KRT4: variants seen among roughly 807,000 people sequenced by gnomAD.
KRT4 encodes the protein keratin, type II cytoskeletal 4.
KRT4 carries 47 observed loss-of-function variants against 50.6 expected under a neutral mutation model. That is an observed-to-expected ratio of 0.93 (90% confidence interval 0.73 to 1.18). The LOEUF (loss-of-function observed/expected upper bound fraction) is 1.18. KRT4 is among the 50% of genes most tolerant of loss of function. The pLI is 0.00. For missense variants in KRT4, 651 were observed against 645.7 expected (o/e 1.01, Z -0.09); for synonymous variants, 254 against 251.2 (o/e 1.01, Z -0.10).
chr12:52,809,546 G>A (rs951952080), intron 3 of KRT4, 68 bp from the exon 4 acceptor site: 2 of 1,085,928 alleles, frequency 1.8e-6, no homozygotes, highest in Middle Eastern at 2.0e-4. Context: ...GTTACTAAGT[G>A]ACACCGACAG....
In KRT4 at chr12:52,813,646, C is replaced by T. The variant is rs747520287; in HGVS notation, c.413G>A (p.Arg138His). Residue 138 changes from arginine to histidine, a missense_variant, in exon 1 of 9, where the codon CGC becomes CAC. Coordinates refer to ENST00000551956, the MANE Select transcript of KRT4 (RefSeq NM_002272.4). ...GTTGTTGAGGAGCTTGATCTGTTCG[C>T]GCTCTTCCGTCCGGACTTTCTGGAT... ...PEIQKVRTEE[R>H]EQIKLLNNKF... The T allele has an allele frequency of 1.4e-5, 22 of 1,614,048 alleles. No homozygotes were observed. The highest frequency in any genetic ancestry group is 1.7e-5 in the Admixed American group (1 of 60,010).
chr12:52,809,587 T>G, intron 3 of KRT4, 109 bp from the exon 4 acceptor site: 1 of 817,540 alleles, frequency 1.2e-6, no homozygotes, highest in East Asian at 2.4e-5. Context: ...GAAAGACTAC[T>G]CAGCAGCAGG....
Position 52,808,405 on chromosome 12 carries a change from C to A in KRT4, c.1014G>T (p.Gln338His). The change falls in exon 6 of 9, where the codon CAG (glutamine) becomes CAT (histidine). Residue 338 changes from glutamine (Q) to histidine (H), a missense_variant. Gln to His is a conservative substitution (Grantham distance 24, BLOSUM62 0). Coordinates refer to ENST00000551956, the MANE Select transcript of KRT4 (RefSeq NM_002272.4). ...ALYQTKVQQL[Q>H]ISVDQHGDNL... ...TGTCACCATGTTGGTCAACCGAGAT[C>A]TGGAGCTGCTGGACCTAAGACTCAA... is the stretch of plus-strand genomic sequence containing the variant. 6.2e-7 allele frequency: 1 copy of A among 1,613,948 alleles called. No individual in the cohort carries two copies. The highest frequency in any genetic ancestry group is 8.5e-7 in the Non-Finnish European group (1 of 1,180,048).
chr12:52,813,510 G>T, intron 1 of KRT4, 87 bp downstream of exon 1: 1 of 1,184,720 alleles, frequency 8.4e-7, no homozygotes, highest in Non-Finnish European at 1.3e-6. Flanking sequence ...GGTCTCCCCA[G>T]CACCTGTGGC....
intron 3 of KRT4, 49 bp downstream of exon 3, chr12:52,810,707 A>C (rs751217084): frequency 3.0e-5 from 46 of 1,517,140 alleles, no homozygotes; most frequent in African/African-American, 5.5e-5. Flanking sequence ...ACCACTCCCC[A>C]AGGGAAGGGG....
At position 52,812,255 on chromosome 12, in the gene KRT4, G is replaced by A. The variant is rs3134665; in HGVS notation, c.463-278C>T. Among the ~76,000 whole-genome samples the A allele has an allele frequency of 0.27, 40,593 of 152,070 alleles. 6,044 individuals are homozygous for A. Among genetic ancestry groups the A allele is most frequent in the Non-Finnish European group, 0.34 (23,111 of 67,976 alleles). On this transcript the variant is annotated intron_variant, in intron 1 of 8. Transcript: ENST00000551956. ...GTGCAACAAGAACAACTTCCTAGCC[G>A]CAGGCACCCAAAGCCCCAAAGAACA...
In KRT4 at chr12:52,814,036, A is replaced by T. The variant is rs760017217; in HGVS notation, c.23T>A (p.Val8Asp). 5 of 1,613,762 alleles carry T rather than the reference A, an allele frequency of 3.1e-6. No homozygotes were observed. Among genetic ancestry groups the T allele is most frequent in the Non-Finnish European group, 4.2e-6 (5 of 1,179,842 alleles). The change falls in exon 1 of 9, where the codon GTC (valine) becomes GAC (aspartate). Residue 8 changes from valine (V) to aspartate (D), a missense_variant. By Grantham distance (152) the Val-to-Asp change is radical (BLOSUM62 -3). Transcript: ENST00000551956. ...GCTGAAGCCCCGGGGCCCGCCTCGGACACACTGCTGTCTGGCAATCATGGC... is the reference window on the plus strand; with the variant it reads ...GCTGAAGCCCCGGGGCCCGCCTCGGTCACACTGCTGTCTGGCAATCATGGC... MIARQQC[V>D]RGGPRGFSCG...
Position 52,810,846 on chromosome 12 carries a change from A to C in KRT4, c.678-30T>G, listed in dbSNP as rs1592310788. 13 of 1,575,378 alleles carry C rather than the reference A, an allele frequency of 8.3e-6. No individual in the cohort carries two copies. In the East Asian group the frequency reaches 2.9e-4, roughly 35 times the overall value. The stretch of plus-strand genomic sequence containing the variant: ...GGGTGGGCACGGGGAGAAAAAGACA[A>C]AAACCCACAGTGAGCTGGTGTTTCT... On this transcript the variant is annotated intron_variant, in intron 2 of 8. Transcript: ENST00000551956.
At position 52,807,401 on chromosome 12, in the gene KRT4, G is replaced by A; in HGVS notation, c.1347-8C>T. On this transcript the variant is annotated splice_polypyrimidine_tract_variant and splice_region_variant and intron_variant, in intron 7 of 8. Coordinates refer to ENST00000551956, the MANE Select transcript of KRT4 (RefSeq NM_002272.4). ...TGGCATTCTCCAGACATTCTGTAGG[G>A]GAAAGAAAAGGCGGTGAGCCTCAGG... 6.2e-7 allele frequency: 1 copy of A among 1,614,124 alleles called. No individual in the cohort carries two copies. Among genetic ancestry groups the A allele is most frequent in the South Asian group, 1.1e-5 (1 of 91,070 alleles).
chr12:52,808,416 G>A lies in KRT4; in HGVS notation c.1003C>T (p.Gln335Ter). ...EAEALYQTKV[Q>*]QLQISVDQHG... ...TGGTCAACCGAGATCTGGAGCTGCTGGACCTAAGACTCAAGAAGACACAGA... is the reference window on the plus strand; with the variant it reads ...TGGTCAACCGAGATCTGGAGCTGCTAGACCTAAGACTCAAGAAGACACAGA... The change falls in exon 6 of 9, where the codon CAG (glutamine) becomes TAG (stop). Residue 335 changes from glutamine (Q) to a stop codon, truncating the protein, a stop_gained. Transcript: ENST00000551956. LOFTEE classifies it high-confidence loss of function. The A allele has an allele frequency of 6.2e-7, 1 of 1,613,782 alleles. No homozygotes were observed. The highest frequency in any genetic ancestry group is 2.2e-5 in the East Asian group (1 of 44,882).
At chr12:52,809,783 A>G (rs1939877016) in intron 3 of KRT4, among the ~76,000 whole-genome samples, 2 of 152,240 alleles carry the variant, frequency 1.3e-5, no homozygotes, top group African/African-American at 4.8e-5. Context: ...AAATCATTGT[A>G]ACAAAAGGAT....
chr12:52,813,628 A>C lies in KRT4; in HGVS notation c.431T>G (p.Leu144Arg). The C allele has an allele frequency of 6.2e-7, 1 of 1,613,988 alleles. No individual in the cohort carries two copies. Among genetic ancestry groups the C allele is most frequent in the Non-Finnish European group, 8.5e-7 (1 of 1,179,996 alleles). Residue 144 changes from leucine (L) to arginine (R), a missense_variant, in exon 1 of 9, where the codon CTC becomes CGC. Coordinates refer to ENST00000551956, the MANE Select transcript of KRT4 (RefSeq NM_002272.4). ...GATGAAGGAGGCAAACTTGTTGTTGAGGAGCTTGATCTGTTCGCGCTCTTC... is the reference window on the plus strand; with the variant it reads ...GATGAAGGAGGCAAACTTGTTGTTGCGGAGCTTGATCTGTTCGCGCTCTTC... ...RTEEREQIKLLNNKFASFIDK... is the reference protein window; with the variant it reads ...RTEEREQIKLRNNKFASFIDK...
intron 4 of KRT4, 118 bp downstream of exon 4, chr12:52,809,265 A>G: frequency 1.2e-6 from 1 of 810,052 alleles, no homozygotes; most frequent in Non-Finnish European, 2.2e-6. Flanking sequence ...CTTGATGAGA[A>G]CCCACTGCCC....
rs199925655 is a variant in KRT4, at chr12:52,813,597, C to A, written c.462G>T (p.Lys154Asn). ...CTCTCCAGCCGAGGACACAGCTCAC[C>A]TTGTCGATGAAGGAGGCAAACTTGT... ...LNNKFASFID[K>N]VQFLEQQNKV... The change falls in exon 1 of 9, where the codon AAG becomes AAT. Residue 154 changes from lysine to asparagine, a missense_variant and splice_region_variant. Transcript: ENST00000551956. 4 of 1,613,844 alleles carry A rather than the reference C, an allele frequency of 2.5e-6. No homozygotes were observed. Among genetic ancestry groups the A allele is most frequent in the African/African-American group, 2.7e-5 (2 of 75,030 alleles).
At position 52,813,578 on chromosome 12, in the gene KRT4, A is replaced by G. The variant is rs752534918; in HGVS notation, c.462+19T>C. The G allele has an allele frequency of 5.8e-5, 94 of 1,609,870 alleles. No homozygotes were observed. In the East Asian group the frequency reaches 2.1e-3, roughly 36 times the overall value. On this transcript the variant is annotated intron_variant, in intron 1 of 8. Transcript: ENST00000551956. ...CCCTCTCTTCTAACTGCCCCTCTCC[A>G]GCCGAGGACACAGCTCACCTTGTCG...
chr12:52,812,107 T>C (rs1392853334), intron 1 of KRT4, 130 bp from the exon 2 acceptor site: 10 of 728,248 alleles, frequency 1.4e-5, no homozygotes, highest in South Asian at 4.5e-5. Flanking sequence ...AGGGCCACTA[T>C]GTTGCATCTC....
chr12:52,813,729 C>T lies in KRT4; in HGVS notation c.330G>A (p.Gln110=). ...GCAAGCTCTGGTTGATGGTGACCTC[C>T]TGAATTCCCCCAGCGGGGCAGACGG... is the stretch of plus-strand genomic sequence containing the variant. ...GFPVCPAGGI[Q]EVTINQSLLT... The change falls in exon 1 of 9, where the codon CAG becomes CAA. Residue 110 remains glutamine (Q), a synonymous_variant. Coordinates refer to ENST00000551956, the MANE Select transcript of KRT4 (RefSeq NM_002272.4). 1 of 1,614,088 alleles carries T rather than the reference C, an allele frequency of 6.2e-7. No homozygotes were observed. The highest frequency in any genetic ancestry group is 8.5e-7 in the Non-Finnish European group (1 of 1,179,914).
At position 52,811,432 on chromosome 12, in the gene KRT4, G is replaced by A. The variant is rs1276515066; in HGVS notation, c.677+331C>T. 1.2e-5 allele frequency: 4 copies of A among 336,250 alleles called. No individual in the cohort carries two copies. In the East Asian group the frequency reaches 2.9e-4, roughly 25 times the overall value. The allele number at this position is 336,250 out of a possible 1,614,324, so 20.8% of individuals were successfully genotyped here. Reference sequence around the variant, plus strand: ...CAAGGTCACACAGCTAGTAAGTGAGGACTCAGTATGCAAACCACCTCCATC... The same window carrying A: ...CAAGGTCACACAGCTAGTAAGTGAGAACTCAGTATGCAAACCACCTCCATC... On this transcript the variant is annotated intron_variant, in intron 2 of 8. Transcript: ENST00000551956.
Position 52,806,771 on chromosome 12 carries a change from G to A in KRT4, c.*298C>T. On this transcript the variant is annotated 3_prime_UTR_variant, in exon 9 of 9. Coordinates refer to ENST00000551956, the MANE Select transcript of KRT4 (RefSeq NM_002272.4). ...CATATGTGACCCCAATAATTCTGGAGATGACACTCCTGGTCATTTTCTTCT... is the reference window on the plus strand; with the variant it reads ...CATATGTGACCCCAATAATTCTGGAAATGACACTCCTGGTCATTTTCTTCT... The A allele has an allele frequency of 2.1e-6, 1 of 478,302 alleles. No homozygotes were observed. Among genetic ancestry groups the A allele is most frequent in the Non-Finnish European group, 3.8e-6 (1 of 259,974 alleles). The allele number at this position is 478,302 out of a possible 1,614,324, so 29.6% of individuals were successfully genotyped here. A position where few individuals can be genotyped will look rare whatever the true frequency, so the allele number is the denominator to read the frequency against.
Sources: gnomAD v4.1 joint callset for allele counts (sites outside exome capture counted in the v4.1 genomes callset) on GRCh38, gnomAD v4.1.1 for gene constraint, MANE v1.5 for transcripts, NCBI Gene and HGNC (gene_info 2026-07-23, HGNC 2026-07-21) for gene names.